Variants in TOM1 observed in about 807,000 individuals in gnomAD.
TOM1 encodes target of Myb protein 1.
A neutral mutation model predicts 61.3 loss-of-function variants in TOM1; 38 were observed. The observed-to-expected ratio is 0.62, with a 90% CI of 0.48 to 0.81. The LOEUF (loss-of-function observed/expected upper bound fraction) is 0.81. Ranked by LOEUF, TOM1 falls within the 40% of genes least tolerant of loss-of-function variation. The pLI is 0.00. For synonymous variants in TOM1, 270 were observed against 268.8 expected (o/e 1.00, Z -0.04); for missense variants, 591 against 659.6 (o/e 0.90, Z 1.14).
intron 2 of TOM1, among the ~76,000 whole-genome samples, chr22:35,320,218 T>G (rs1240181151): frequency 6.6e-6 from 1 of 152,176 alleles, no homozygotes; most frequent in Non-Finnish European, 1.5e-5. Context: ...CTGGAGGACC[T>G]GGGAAAGTGT....
At chr22:35,338,302 C>G (rs1341894461) in intron 11 of TOM1, among the ~76,000 whole-genome samples, 1 of 152,212 alleles carries the variant, frequency 6.6e-6, no homozygotes, top group African/African-American at 2.4e-5. Context: ...TTTTCAGCAG[C>G]AGAATGGAAT....
At chr22:35,345,335 C>T in intron 12 of TOM1, 1 of 261,444 alleles carries the variant, frequency 3.8e-6, no homozygotes, top group South Asian at 5.5e-5. Context: ...GGGGTCTGAC[C>T]CTGGGCTTGG....
rs547948936 is a variant in TOM1, at chr22:35,343,675, C to T, written c.1225-2050C>T. Among the ~76,000 whole-genome samples, 12 of 143,654 alleles carry T rather than the reference C, an allele frequency of 8.4e-5. No individual in the cohort carries two copies. The East Asian group carries it at 2.2e-3, about 27-fold the overall frequency. The allele number at this position is 143,654 out of a possible 152,430, so 94.2% of individuals were successfully genotyped here. On this transcript the variant is annotated intron_variant, in intron 12 of 14. Transcript: ENST00000449058. ...ACTCATACACCTACACACACCCTTA[C>T]ACACACCACACCTACACACTCATAC...
chr22:35,337,887 C>T (rs1929513220), intron 11 of TOM1, among the ~76,000 whole-genome samples: 1 of 152,264 alleles, frequency 6.6e-6, no homozygotes, highest in South Asian at 2.1e-4. Flanking sequence ...TTCCCTGCAA[C>T]AGGGCTGGGT....
At chr22:35,321,768 C>T in intron 2 of TOM1, 191 bp from the exon 3 acceptor site, 1 of 709,096 alleles carries the variant, frequency 1.4e-6, no homozygotes, top group Non-Finnish European at 2.6e-6. Context: ...GGTCCAGGGG[C>T]CACAGGTTGT....
intron 1 of TOM1, among the ~76,000 whole-genome samples, chr22:35,309,932 C>T (rs145343754): frequency 0.013 from 1,977 of 152,328 alleles, 20 homozygotes; most frequent in Non-Finnish European, 0.02. Context: ...CCCAGGGCTA[C>T]TTCTGGCTGC....
intron 12 of TOM1, among the ~76,000 whole-genome samples, chr22:35,339,201 C>T (rs1929660665): frequency 6.6e-6 from 1 of 152,140 alleles, no homozygotes; most frequent in Admixed American, 6.5e-5. Flanking sequence ...CGTGGTGGCA[C>T]ATGCCTGTAA....
At chr22:35,303,392 G>A (rs904842107) in intron 1 of TOM1, among the ~76,000 whole-genome samples, 3 of 152,084 alleles carry the variant, frequency 2.0e-5, no homozygotes, top group African/African-American at 7.2e-5. Context: ...CTGCCTCACA[G>A]GGTGGTTGCT....
Position 35,323,863 on chromosome 22 carries a change from C to T in TOM1, c.597C>T (p.Pro199=), listed in dbSNP as rs1928073909. Residue 199 remains proline (P), a synonymous_variant, in exon 6 of 15, where the codon CCC becomes CCT. Coordinates refer to ENST00000449058, the MANE Select transcript of TOM1 (RefSeq NM_005488.3). The surrounding 1 kb of genome is among the most constrained non-coding windows in gnomAD (Gnocchi z 4.2). ...CTGGCCAGCATGCTGCCCCTCTGCCCGCCCCGCCCATACTCTCCGGTGACA... is the reference window on the plus strand; with the variant it reads ...CTGGCCAGCATGCTGCCCCTCTGCCTGCCCCGCCCATACTCTCCGGTGACA... ...EDSGQHAAPL[P]APPILSGDTP... 1.9e-6 allele frequency: 3 copies of T among 1,609,852 alleles called. No individual in the cohort carries two copies. Among genetic ancestry groups the T allele is most frequent in the South Asian group, 1.1e-5 (1 of 90,390 alleles).
At chr22:35,338,165 G>A (rs1044010103) in intron 11 of TOM1, among the ~76,000 whole-genome samples, 13 of 152,088 alleles carry the variant, frequency 8.5e-5, no homozygotes, top group Admixed American at 4.6e-4. Context: ...CCCCCCAGAG[G>A]ACATTTAGAA....
At chr22:35,301,669 T>C (rs1218448820) in intron 1 of TOM1, among the ~76,000 whole-genome samples, 5 of 152,174 alleles carry the variant, frequency 3.3e-5, no homozygotes, top group Non-Finnish European at 4.4e-5. Context: ...TGTGTTGTAA[T>C]CGCCACCGTG....
intron 1 of TOM1, among the ~76,000 whole-genome samples, chr22:35,315,665 C>G (rs1247437848): frequency 6.6e-6 from 1 of 152,202 alleles, no homozygotes; most frequent in African/African-American, 2.4e-5. Context: ...CTGGGCCACC[C>G]TGGCATCCGT....
intron 12 of TOM1, among the ~76,000 whole-genome samples, chr22:35,339,159 C>T (rs983680546): frequency 3.3e-5 from 5 of 152,010 alleles, no homozygotes; most frequent in Non-Finnish European, 5.9e-5. Flanking sequence ...GGTGAAACCC[C>T]GTATCTACTA....
intron 1 of TOM1, 69 bp from the exon 2 acceptor site, chr22:35,317,808 C>A: frequency 8.2e-7 from 1 of 1,222,556 alleles, no homozygotes; most frequent in Non-Finnish European, 1.2e-6. Context: ...CCCCTCCTCT[C>A]CCACCCACGG....
At chr22:35,315,374 A>G (rs1927188442) in intron 1 of TOM1, among the ~76,000 whole-genome samples, 1 of 152,096 alleles carries the variant, frequency 6.6e-6, no homozygotes, top group Non-Finnish European at 1.5e-5. Context: ...GTTAACACTG[A>G]CTGACATGAC....
At chr22:35,338,818 G>A (rs1290002535) in intron 12 of TOM1, 30 bp downstream of exon 12, 1 of 1,540,606 alleles carries the variant, frequency 6.5e-7, no homozygotes, top group Non-Finnish European at 8.7e-7. Flanking sequence ...TGCCACCCTG[G>A]GGCCCTCCTG....
At chr22:35,345,475 G>A (rs1601721912) in intron 12 of TOM1, 2 of 578,520 alleles carry the variant, frequency 3.5e-6, no homozygotes, top group East Asian at 5.7e-5. Flanking sequence ...TCTCTTCAAG[G>A]GGAAGGAGCT....
chr22:35,302,985 A>T lies in TOM1; in HGVS notation c.52+3005A>T, dbSNP rs192779384. Among the ~76,000 whole-genome samples the T allele has an allele frequency of 1.2e-3, 186 of 152,222 alleles. 1 individual carries two copies. Among genetic ancestry groups the T allele is most frequent in the African/African-American group, 4.4e-3 (181 of 41,536 alleles). On this transcript the variant is annotated intron_variant, in intron 1 of 14. Transcript: ENST00000449058. ...TGCTGCAGGAGTACCATCTCTTCTCAAGCCTGCCGACTCCCATGCCCTTGT... is the reference window on the plus strand; with the variant it reads ...TGCTGCAGGAGTACCATCTCTTCTCTAGCCTGCCGACTCCCATGCCCTTGT...
At chr22:35,339,256 A>T (rs916009507) in intron 12 of TOM1, among the ~76,000 whole-genome samples, 1 of 152,148 alleles carries the variant, frequency 6.6e-6, no homozygotes, top group Admixed American at 6.5e-5. Context: ...GCTTGAACCC[A>T]GATGGTGGAA....
Sources: gnomAD v4.1 joint callset for allele counts (sites outside exome capture counted in the v4.1 genomes callset) on GRCh38, gnomAD v4.1.1 for gene constraint, Gnocchi (gnomAD v3.1) non-coding constraint, MANE v1.5 for transcripts, NCBI Gene and HGNC (gene_info 2026-07-23, HGNC 2026-07-21) for gene names.